GMDS: variants seen among roughly 807,000 people sequenced by gnomAD.
GMDS encodes GDP-mannose 4,6-dehydratase.
A neutral mutation model predicts 49.9 loss-of-function variants in GMDS; 20 were observed. The observed-to-expected ratio is 0.40, with a 90% CI of 0.28 to 0.58. The LOEUF (loss-of-function observed/expected upper bound fraction) is 0.58, where lower values mean the gene tolerates loss of function less well. GMDS is among the 20% of genes least tolerant of loss of function. The pLI is 0.42. For missense variants in GMDS, 362 were observed against 481.4 expected (o/e 0.75, Z 2.32); for synonymous variants, 177 against 178.6 (o/e 0.99, Z 0.07).
chr6:2,102,615 C>T (rs2127487252), intron 4 of GMDS, among the ~76,000 whole-genome samples: 1 of 152,218 alleles, frequency 6.6e-6, no homozygotes, highest in East Asian at 1.9e-4. Flanking sequence ...CTAATGCCTG[C>T]CAAAGAGGGG....
chr6:1,786,294 T>C (rs1184291661), intron 7 of GMDS, among the ~76,000 whole-genome samples: 2 of 152,244 alleles, frequency 1.3e-5, no homozygotes, highest in Non-Finnish European at 2.9e-5. Flanking sequence ...GGAAATGCAA[T>C]GCCTCAGTAA....
chr6:1,845,595 T>C (rs1043336914), intron 7 of GMDS, among the ~76,000 whole-genome samples: 3 of 152,192 alleles, frequency 2.0e-5, no homozygotes, highest in South Asian at 4.1e-4. Context: ...AAGTCAGCGG[T>C]CCCCATCCTT....
At chr6:1,821,211 C>T (rs1474022227) in intron 7 of GMDS, among the ~76,000 whole-genome samples, 2 of 152,140 alleles carry the variant, frequency 1.3e-5, no homozygotes, top group Non-Finnish European at 2.9e-5. Flanking sequence ...TCTTGTCTCT[C>T]GGCAAAAATG....
chr6:2,173,987 A>AG (rs1169291323), intron 1 of GMDS, among the ~76,000 whole-genome samples: 1 of 152,220 alleles, frequency 6.6e-6, no homozygotes, highest in African/African-American at 2.4e-5. Context: ...GAAAGGTCCA[A>AG]GTGAGGATTC....
intron 7 of GMDS, among the ~76,000 whole-genome samples, chr6:1,898,462 G>A (rs566981649): frequency 6.4e-4 from 97 of 152,218 alleles, no homozygotes; most frequent in African/African-American, 2.1e-3. Context: ...CAGCCCATTC[G>A]CTTCCTAGGG....
intron 4 of GMDS, among the ~76,000 whole-genome samples, chr6:2,071,760 T>A (rs9503091): frequency 6.6e-6 from 1 of 151,390 alleles, no homozygotes; most frequent in Non-Finnish European, 1.5e-5. Context: ...AGTGCCATAG[T>A]TGAAGTGTCT....
chr6:2,130,132 A>G (rs939333633), intron 1 of GMDS, among the ~76,000 whole-genome samples: 1 of 152,260 alleles, frequency 6.6e-6, no homozygotes, highest in Non-Finnish European at 1.5e-5. Flanking sequence ...ACTAATGACT[A>G]CAATTGAGAA....
chr6:2,202,434 T>TAAG, intron 1 of GMDS, among the ~76,000 whole-genome samples: 1 of 43,092 alleles, frequency 2.3e-5, no homozygotes, highest in Admixed American at 2.3e-4. Flanking sequence ...AATTTCTTTC[T>TAAG]ATTTTTTTTT....
intron 1 of GMDS, among the ~76,000 whole-genome samples, chr6:2,135,322 C>A (rs903209712): frequency 1.3e-5 from 2 of 152,084 alleles, no homozygotes; most frequent in African/African-American, 2.4e-5. Context: ...AAACAACGTG[C>A]TACTGTGTGT....
chr6:1,636,690 T>C (rs905016882), intron 9 of GMDS, among the ~76,000 whole-genome samples: 3 of 152,278 alleles, frequency 2.0e-5, no homozygotes, highest in Admixed American at 6.5e-5. Context: ...GAGCCTAGGA[T>C]TGGGGGCACT....
intron 7 of GMDS, among the ~76,000 whole-genome samples, chr6:1,785,636 C>T (rs1054224275): frequency 3.3e-5 from 5 of 152,222 alleles, no homozygotes; most frequent in Admixed American, 1.3e-4. Flanking sequence ...CTGCCACGAC[C>T]TGCCTCAGCA....
At chr6:1,848,547 C>CTTGTT (rs1006013529) in intron 7 of GMDS, among the ~76,000 whole-genome samples, 1 of 152,114 alleles carries the variant, frequency 6.6e-6, no homozygotes, top group African/African-American at 2.4e-5. Flanking sequence ...TTTTGGTTTT[C>CTTGTT]TTGTTTTGTT....
chr6:1,683,168 G>A (rs1038184389), intron 9 of GMDS, among the ~76,000 whole-genome samples: 32 of 152,172 alleles, frequency 2.1e-4, no homozygotes, highest in Non-Finnish European at 4.1e-4. Flanking sequence ...CTGTTGCCCA[G>A]GCTGGAGTGC....
At chr6:2,079,264 T>C (rs920146469) in intron 4 of GMDS, among the ~76,000 whole-genome samples, 1 of 151,982 alleles carries the variant, frequency 6.6e-6, no homozygotes, top group Non-Finnish European at 1.5e-5. Flanking sequence ...AATTCAATCC[T>C]TCCACATTCA....
intron 1 of GMDS, among the ~76,000 whole-genome samples, chr6:2,137,938 G>A (rs1425382751): frequency 6.6e-6 from 1 of 152,196 alleles, no homozygotes; most frequent in Admixed American, 6.5e-5. Flanking sequence ...TCCAGCTTCA[G>A]AATACAGTCG....
At chr6:2,048,210 T>G (rs753206513) in intron 4 of GMDS, among the ~76,000 whole-genome samples, 1 of 152,252 alleles carries the variant, frequency 6.6e-6, no homozygotes, top group East Asian at 1.9e-4. Flanking sequence ...CTTAAGGTTA[T>G]GAAAATATTC....
chr6:2,000,515 C>T (rs1766741167), intron 4 of GMDS, among the ~76,000 whole-genome samples: 1 of 152,116 alleles, frequency 6.6e-6, no homozygotes, highest in African/African-American at 2.4e-5. Flanking sequence ...CTATTTTGGA[C>T]ATTTCATGTA....
chr6:2,118,603 G>A (rs1774974604), intron 2 of GMDS, among the ~76,000 whole-genome samples: 1 of 152,084 alleles, frequency 6.6e-6, no homozygotes, highest in African/African-American at 2.4e-5. Context: ...CATTTTAAAT[G>A]GCATACATGA....
chr6:1,850,935 G>A (rs898690434), intron 7 of GMDS, among the ~76,000 whole-genome samples: 1 of 152,164 alleles, frequency 6.6e-6, no homozygotes, highest in Admixed American at 6.5e-5. Flanking sequence ...CTCTGCTGTG[G>A]GAATTAGGTA....
Sources: gnomAD v4.1 joint callset for allele counts (sites outside exome capture counted in the v4.1 genomes callset) on GRCh38, gnomAD v4.1.1 for gene constraint, MANE v1.5 for transcripts, NCBI Gene and HGNC (gene_info 2026-07-23, HGNC 2026-07-21) for gene names.